The following PRPF6 variants were observed in gnomAD, a reference collection of about 807,000 sequenced individuals.
The protein encoded by PRPF6 is pre-mRNA processing factor 6, also known as pre-mRNA-processing factor 6.
A neutral mutation model predicts 118.3 loss-of-function variants in PRPF6; 42 were observed. The observed-to-expected ratio is 0.35, with a 90% CI of 0.28 to 0.46. PRPF6 has a LOEUF of 0.46. Among genes scored for constraint, PRPF6 ranks in the 20% least tolerant of loss-of-function variants. The pLI, the probability that PRPF6 is intolerant of heterozygous loss-of-function variation, is 1.00. For synonymous variants in PRPF6, 481 were observed against 485.1 expected, an observed-to-expected ratio of 0.99 and a Z score of 0.11; for missense variants, 662 against 1,255.7, an observed-to-expected ratio of 0.53 and a Z score of 7.15.
At chr20:64,017,898 G>T (rs576226972) in intron 12 of PRPF6, among the ~76,000 whole-genome samples, 63 of 152,334 alleles carry the variant, frequency 4.1e-4, no homozygotes, top group African/African-American at 1.4e-3. Flanking sequence ...GGTAACTTCA[G>T]ACCTTACTCA....
intron 12 of PRPF6, among the ~76,000 whole-genome samples, chr20:64,022,432 C>T (rs2059270860): frequency 2.6e-5 from 4 of 152,070 alleles, no homozygotes; most frequent in East Asian, 1.9e-4. Context: ...CTCAGACTGC[C>T]GAATAGCCGG....
Position 64,029,496 on chromosome 20 carries a change from G to GT in PRPF6, c.2546+6dup. 6.2e-7 allele frequency: 1 copy of GT among 1,613,726 alleles called. No homozygotes were observed. Among genetic ancestry groups the GT allele is most frequent in the Non-Finnish European group, 8.5e-7 (1 of 1,179,778 alleles). ...TGTGCTCCTGGCCGTGGCCAAGTGAGTGGGGCCCCCACAGGATTGCTGAAC... is the reference window on the plus strand; with the variant it reads ...TGTGCTCCTGGCCGTGGCCAAGTGAGTTGGGGCCCCCACAGGATTGCTGAAC... On this transcript the variant is annotated splice_donor_region_variant and intron_variant, in intron 19 of 20. Coordinates refer to ENST00000266079, the MANE Select transcript of PRPF6 (RefSeq NM_012469.4). The surrounding 1 kb of genome is among the most constrained non-coding windows in gnomAD (Gnocchi z 4.8).
intron 3 of PRPF6, among the ~76,000 whole-genome samples, chr20:63,989,399 C>T (rs909151938): frequency 2.0e-5 from 3 of 151,676 alleles, no homozygotes; most frequent in Non-Finnish European, 2.9e-5. Flanking sequence ...GCCAAGAGTG[C>T]GCTACTGCAC....
chr20:64,002,159 C>T (rs2059170232), intron 9 of PRPF6, among the ~76,000 whole-genome samples: 2 of 150,158 alleles, frequency 1.3e-5, no homozygotes, highest in African/African-American at 4.9e-5. Context: ...GCTGGGACTA[C>T]AGGCGCCTGC....
At chr20:63,983,304 G>A in intron 2 of PRPF6, 89 bp downstream of exon 2, 1 of 1,492,408 alleles carries the variant, frequency 6.7e-7, no homozygotes, top group East Asian at 2.3e-5. Context: ...GTAATGAATG[G>A]CTTGGAGTGG....
chr20:64,032,981 G>T lies in PRPF6; in HGVS notation c.2814G>T (p.Lys938Asn). 1.9e-6 allele frequency: 3 copies of T among 1,613,332 alleles called. No individual in the cohort carries two copies. Among genetic ancestry groups the T allele is most frequent in the Non-Finnish European group, 2.5e-6 (3 of 1,180,018 alleles). ...DILRLVAGRI[K>N]NTF is the part of the protein sequence containing the mutation. ...TTAGGCTGGTGGCCGGCCGCATCAA[G>T]AACACCTTCTGATTGAGCGGTTGCC... Residue 938 changes from lysine (K) to asparagine (N), a missense_variant, in exon 21 of 21, where the codon AAG (lysine) becomes AAT (asparagine). Coordinates refer to ENST00000266079, the MANE Select transcript of PRPF6 (RefSeq NM_012469.4).
chr20:64,005,770 T>C (rs1026125514), intron 9 of PRPF6, among the ~76,000 whole-genome samples: 1 of 152,098 alleles, frequency 6.6e-6, no homozygotes, highest in African/African-American at 2.4e-5. Context: ...GATCTTGCTC[T>C]GTTGCCTAGG....
chr20:64,025,769 G>C (rs906724366), intron 14 of PRPF6, among the ~76,000 whole-genome samples, 170 bp from the exon 15 acceptor site: 1 of 152,230 alleles, frequency 6.6e-6, no homozygotes, highest in Non-Finnish European at 1.5e-5. Flanking sequence ...CTGGATTCTT[G>C]CACTGGAGTC....
Position 64,028,327 on chromosome 20 carries a change from T to G in PRPF6, c.2340-151T>G. 1.2e-6 allele frequency: 1 copy of G among 804,792 alleles called. No homozygotes were observed. The highest frequency in any genetic ancestry group is 2.0e-6 in the Non-Finnish European group (1 of 491,110). The allele number at this position is 804,792 out of a possible 1,614,324, so 49.9% of individuals were successfully genotyped here. On this transcript the variant is annotated intron_variant, in intron 17 of 20. Coordinates refer to ENST00000266079, the MANE Select transcript of PRPF6 (RefSeq NM_012469.4). The surrounding 1 kb of genome is among the most constrained non-coding windows in gnomAD (Gnocchi z 6.5). ...AGGGATGTGGGCCCCAGCGCCTTGTTTCTGTGGTGGATGAGCTCTGCTGTG... is the reference window on the plus strand; with the variant it reads ...AGGGATGTGGGCCCCAGCGCCTTGTGTCTGTGGTGGATGAGCTCTGCTGTG...
chr20:64,031,732 G>C (rs897981693), intron 19 of PRPF6, among the ~76,000 whole-genome samples, 186 bp from the exon 20 acceptor site: 2 of 151,728 alleles, frequency 1.3e-5, no homozygotes, highest in Admixed American at 1.3e-4. Context: ...GTGAAGGGCA[G>C]CTTCAAGTTA....
intron 3 of PRPF6, among the ~76,000 whole-genome samples, chr20:63,989,154 C>T (rs1419621458): frequency 6.6e-6 from 1 of 152,112 alleles, no homozygotes; most frequent in African/African-American, 2.4e-5. Context: ...ACAATCTCTT[C>T]AATAAACGGT....
chr20:64,021,578 A>ATG (rs2059264231), intron 12 of PRPF6, among the ~76,000 whole-genome samples: 1 of 132,122 alleles, frequency 7.6e-6, no homozygotes, highest in African/African-American at 2.9e-5. Context: ...GTGTGTGTGC[A>ATG]CATATGCATA....
In PRPF6 at chr20:64,024,707, G is replaced by C; in HGVS notation, c.1908+14G>C. The stretch of plus-strand genomic sequence containing the variant: ...CTGGCCTTCCAGGTGGGTGAGGGTT[G>C]CCTGTGTGGTGAGGGGCCTGTGCAC... On this transcript the variant is annotated intron_variant, in intron 14 of 20. Coordinates refer to ENST00000266079, the MANE Select transcript of PRPF6 (RefSeq NM_012469.4). 6.2e-7 allele frequency: 1 copy of C among 1,610,600 alleles called. No individual in the cohort carries two copies. Among genetic ancestry groups the C allele is most frequent in the Non-Finnish European group, 8.5e-7 (1 of 1,179,318 alleles).
chr20:64,018,996 G>A (rs148730013), intron 12 of PRPF6, among the ~76,000 whole-genome samples: 17 of 152,210 alleles, frequency 1.1e-4, no homozygotes, highest in African/African-American at 2.2e-4. Context: ...CTTGTGTGCC[G>A]GCTGGGCCAT....
In PRPF6 at chr20:64,010,309, C is replaced by T. The variant is rs1449064661; in HGVS notation, c.1296C>T (p.Thr432=). ...GCCGAGCTGTGGAGTGCTGCCCCAC[C>T]AGCGTGGAGGTGAGTCTGGCGGGCT... ...MLSRAVECCP[T]SVELWLALAR... Residue 432 remains threonine, a synonymous_variant, in exon 10 of 21, where the codon ACC becomes ACT. Coordinates refer to ENST00000266079, the MANE Select transcript of PRPF6 (RefSeq NM_012469.4). The T allele has an allele frequency of 1.2e-6, 2 of 1,613,326 alleles. No homozygotes were observed. The highest frequency in any genetic ancestry group is 1.7e-5 in the Admixed American group (1 of 60,028).
At chr20:63,989,379 G>A (rs1472191063) in intron 3 of PRPF6, among the ~76,000 whole-genome samples, 2 of 152,078 alleles carry the variant, frequency 1.3e-5, no homozygotes, top group African/African-American at 4.8e-5. Flanking sequence ...GTGGTGGCTC[G>A]CTCCCGTGAG....
At chr20:63,992,663 T>C (rs1238448880) in intron 3 of PRPF6, among the ~76,000 whole-genome samples, 1 of 152,294 alleles carries the variant, frequency 6.6e-6, no homozygotes, top group South Asian at 2.1e-4. Context: ...TAAGATCTTT[T>C]TTTTTTATTT....
chr20:64,002,301 G>A (rs1386771636), intron 9 of PRPF6, among the ~76,000 whole-genome samples: 3 of 150,412 alleles, frequency 2.0e-5, no homozygotes, highest in Non-Finnish European at 4.4e-5. Context: ...GATTCCAGGC[G>A]TGAGCCACTG....
intron 9 of PRPF6, 134 bp downstream of exon 9, chr20:64,001,373 T>G (rs1029507199): frequency 9.0e-7 from 1 of 1,109,508 alleles, no homozygotes; most frequent in African/African-American, 1.6e-5. Context: ...TTTCTCAGGC[T>G]GGGTTGCCTC....
Sources: gnomAD v4.1 joint callset for allele counts (sites outside exome capture counted in the v4.1 genomes callset) on GRCh38, gnomAD v4.1.1 for gene constraint, Gnocchi (gnomAD v3.1) non-coding constraint, MANE v1.5 for transcripts, NCBI Gene and HGNC (gene_info 2026-07-23, HGNC 2026-07-21) for gene names.